Variants in KCNAB1 observed in about 807,000 individuals in gnomAD.
KCNAB1 encodes the protein voltage-gated potassium channel subunit beta-1.
Under a neutral mutation model 64.6 loss-of-function variants are expected in KCNAB1, and 35 were observed. That is an observed-to-expected ratio of 0.54 (90% confidence interval 0.41 to 0.72). The LOEUF is 0.72. KCNAB1 is among the 30% of genes least tolerant of loss of function. The pLI is 0.00. For synonymous variants in KCNAB1, 177 were observed against 183.8 expected, an observed-to-expected ratio of 0.96 and a Z score of 0.30; for missense variants, 401 against 512.9, an observed-to-expected ratio of 0.78 and a Z score of 2.11.
At chr3:156,431,320 G>A (rs570061450) in intron 2 of KCNAB1, among the ~76,000 whole-genome samples, 1 of 152,308 alleles carries the variant, frequency 6.6e-6, no homozygotes, top group East Asian at 1.9e-4. Flanking sequence ...TAAACTCTGT[G>A]CAGCATAAAA....
intron 1 of KCNAB1, among the ~76,000 whole-genome samples, chr3:156,353,209 A>C (rs1422057083): frequency 6.6e-6 from 1 of 152,208 alleles, no homozygotes; most frequent in Non-Finnish European, 1.5e-5. Flanking sequence ...CTATCAAATG[A>C]ACTGGAGCTT....
chr3:156,128,005 A>G (rs1467242019), intron 1 of KCNAB1, among the ~76,000 whole-genome samples: 1 of 151,932 alleles, frequency 6.6e-6, no homozygotes, highest in Non-Finnish European at 1.5e-5. Context: ...ACTTGCCCAG[A>G]GGGTTCTTTC....
At chr3:156,445,875 T>C (rs1200992709) in intron 2 of KCNAB1, among the ~76,000 whole-genome samples, 1 of 152,070 alleles carries the variant, frequency 6.6e-6, no homozygotes, top group Non-Finnish European at 1.5e-5. Flanking sequence ...AAAGAAACCA[T>C]AGAATCATGA....
intron 1 of KCNAB1, among the ~76,000 whole-genome samples, chr3:156,279,319 G>A (rs1719550513): frequency 6.6e-6 from 1 of 152,054 alleles, no homozygotes. Context: ...TGGCTGCATA[G>A]TATTCCATGG....
At chr3:156,439,220 T>G (rs1716815930) in intron 2 of KCNAB1, among the ~76,000 whole-genome samples, 1 of 128,490 alleles carries the variant, frequency 7.8e-6, no homozygotes, top group South Asian at 2.6e-4. Context: ...TTTGCATCAT[T>G]GTGATTTTTT....
intron 11 of KCNAB1, 118 bp downstream of exon 11, chr3:156,516,482 C>A: frequency 2.8e-6 from 2 of 723,038 alleles, no homozygotes; most frequent in Non-Finnish European, 4.9e-6. Context: ...GTTGTCCAGG[C>A]CAGTGGCCTC....
intron 1 of KCNAB1, among the ~76,000 whole-genome samples, chr3:156,372,054 T>C (rs1337411474): frequency 6.6e-6 from 1 of 152,136 alleles, no homozygotes; most frequent in Non-Finnish European, 1.5e-5. Flanking sequence ...GATTAATTAC[T>C]TGCAGCGTCT....
intron 1 of KCNAB1, among the ~76,000 whole-genome samples, chr3:156,367,926 A>G (rs1726051096): frequency 6.6e-6 from 1 of 152,224 alleles, no homozygotes; most frequent in Non-Finnish European, 1.5e-5. Context: ...CCCAAACTCC[A>G]AACAAACAAT....
At chr3:156,192,300 C>T (rs76165596) in intron 1 of KCNAB1, among the ~76,000 whole-genome samples, 2,401 of 152,158 alleles carry the variant, frequency 0.016, 47 homozygotes, top group Non-Finnish European at 0.019. Context: ...CATTAACATT[C>T]TTGTCTCTTT....
intron 1 of KCNAB1, among the ~76,000 whole-genome samples, chr3:156,123,493 G>A (rs1577606569): frequency 6.6e-6 from 1 of 152,208 alleles, no homozygotes; most frequent in East Asian, 1.9e-4. Flanking sequence ...TAGAGTTGGG[G>A]GAGATTCAGC....
intron 1 of KCNAB1, among the ~76,000 whole-genome samples, chr3:156,279,436 T>G (rs1719558004): frequency 6.6e-6 from 1 of 152,166 alleles, no homozygotes; most frequent in South Asian, 2.1e-4. Flanking sequence ...TACGGGTGCA[T>G]GTGTCTTTAT....
intron 1 of KCNAB1, among the ~76,000 whole-genome samples, chr3:156,387,241 CT>C (rs776937846): frequency 4.0e-4 from 61 of 152,014 alleles, no homozygotes; most frequent in Non-Finnish European, 6.5e-4. Flanking sequence ...GAATGACCAC[CT>C]TTGTGCTGTA....
chr3:156,132,732 A>G (rs969183561), intron 1 of KCNAB1, among the ~76,000 whole-genome samples: 1 of 152,230 alleles, frequency 6.6e-6, no homozygotes, highest in Non-Finnish European at 1.5e-5. Context: ...CATTGTGTTC[A>G]TTTAAACAGT....
chr3:156,500,749 C>T (rs972638875), intron 8 of KCNAB1, among the ~76,000 whole-genome samples: 3 of 152,068 alleles, frequency 2.0e-5, no homozygotes, highest in Non-Finnish European at 2.9e-5. Context: ...TTTCTGTATA[C>T]GTTTTGTAGA....
At chr3:156,515,289 A>G (rs1717482028) in intron 10 of KCNAB1, 69 bp downstream of exon 10, 1 of 1,437,798 alleles carries the variant, frequency 7.0e-7, no homozygotes, top group East Asian at 2.3e-5. Context: ...GGGAAAAAAT[A>G]AAAACAGTGT....
At chr3:156,483,211 G>T (rs1010107276) in intron 8 of KCNAB1, among the ~76,000 whole-genome samples, 1 of 151,992 alleles carries the variant, frequency 6.6e-6, no homozygotes, top group Non-Finnish European at 1.5e-5. Context: ...AGATGCCCGG[G>T]TCAGTAGTAT....
At chr3:156,335,886 A>G (rs1250953384) in intron 1 of KCNAB1, among the ~76,000 whole-genome samples, 1 of 148,268 alleles carries the variant, frequency 6.7e-6, no homozygotes, top group Non-Finnish European at 1.5e-5. Flanking sequence ...CACAGATATG[A>G]AAATAATAGC....
rs1403821069 is a variant in KCNAB1 at position 156,301,215 on chromosome 3, T to TG, written c.276-120401_276-120400insG. ...TAAACTAGGTTTTTATGTTTTGTTT[T>TG]TTTTTTAAAATGTCTTTGGCCTGAG... On this transcript the variant is annotated intron_variant, in intron 1 of 13. Coordinates refer to ENST00000490337, the MANE Select transcript of KCNAB1 (RefSeq NM_172160.3). Among the ~76,000 whole-genome samples, 12 of 152,268 alleles carry TG rather than the reference T, an allele frequency of 7.9e-5. No homozygotes were observed. In the East Asian group the frequency reaches 1.3e-3, roughly 17 times the overall value.
intron 1 of KCNAB1, among the ~76,000 whole-genome samples, chr3:156,150,481 A>C (rs1296954148): frequency 6.6e-6 from 1 of 152,170 alleles, no homozygotes; most frequent in South Asian, 2.1e-4. Flanking sequence ...GCTTGAGAAC[A>C]ATACTGGGTT....
Sources: allele counts gnomAD v4.1 joint callset (sites outside exome capture counted in the v4.1 genomes callset), GRCh38; gene constraint gnomAD v4.1.1; transcripts MANE v1.5; gene names NCBI Gene and HGNC (gene_info 2026-07-23, HGNC 2026-07-21).